Variants in USP6 observed in about 807,000 individuals in gnomAD.
The protein encoded by USP6 is ubiquitin carboxyl-terminal hydrolase 6.
In USP6, 128 loss-of-function variants were observed where a neutral mutation model predicts 175.7. The ratio of observed to expected loss-of-function variants is 0.73; its 90% CI spans 0.63 to 0.84. The LOEUF (loss-of-function observed/expected upper bound fraction) is 0.84. USP6 is among the 40% of genes least tolerant of loss of function. The probability of loss-of-function intolerance (pLI) is 0.00; values close to 1 mark genes in which losing one functional copy is unlikely to be tolerated. For missense variants in USP6, 1,498 were observed against 1,760.3 expected (o/e 0.85, Z 2.67); for synonymous variants, 562 against 630.6 (o/e 0.89, Z 1.63).
intron 31 of USP6, among the ~76,000 whole-genome samples, chr17:5,161,270 G>A (rs1446805803): frequency 1.3e-5 from 2 of 152,120 alleles, no homozygotes; most frequent in Non-Finnish European, 2.9e-5. Context: ...TAAAATTTTC[G>A]TGGGCCACAT....
At chr17:5,146,520 A>G (rs1342732986) in intron 28 of USP6, among the ~76,000 whole-genome samples, 2 of 152,168 alleles carry the variant, frequency 1.3e-5, no homozygotes, top group East Asian at 3.8e-4. Flanking sequence ...CTATATTACC[A>G]CTGTTACTAG....
intron 2 of USP6, among the ~76,000 whole-genome samples, chr17:5,120,229 C>T (rs1307857686): frequency 3.3e-5 from 5 of 152,166 alleles, no homozygotes; most frequent in African/African-American, 7.2e-5. Context: ...GTGACACCAA[C>T]GTAGGGTTGC....
intron 31 of USP6, among the ~76,000 whole-genome samples, chr17:5,160,356 T>C (rs2073980770): frequency 6.6e-6 from 1 of 152,220 alleles, no homozygotes; most frequent in African/African-American, 2.4e-5. Context: ...ATGCCACTCT[T>C]ATGTTATATT....
At position 5,146,112 on chromosome 17, in the gene USP6, G is replaced by A. The variant is rs571851688; in HGVS notation, c.2257G>A (p.Asp753Asn). 1 of 1,613,130 alleles carries A rather than the reference G, an allele frequency of 6.2e-7. No homozygotes were observed. The highest frequency in any genetic ancestry group is 8.5e-7 in the Non-Finnish European group (1 of 1,179,384). The change falls in exon 28 of 38, where the codon GAT becomes AAT. Residue 753 changes from aspartate to asparagine, a missense_variant. Around this residue, in one of 2 missense-constraint regions of USP6, gnomAD observed 1,217 missense variants for 1,500.8 expected, o/e 0.81. Transcript: ENST00000574788. ...KYTGLKKQLR[D>N]LCGLNSEQIL... is the part of the protein sequence containing the mutation. ...CACAGGTTTAAAAAAACAGCTGAGGGATCTCTGTGGACTTAATTCAGAACA... is the reference window on the plus strand; with the variant it reads ...CACAGGTTTAAAAAAACAGCTGAGGAATCTCTGTGGACTTAATTCAGAACA...
chr17:5,142,429 C>G lies in USP6; in HGVS notation c.1745C>G (p.Ala582Gly), dbSNP rs1182489495. 6.2e-7 allele frequency: 1 copy of G among 1,613,760 alleles called. No individual in the cohort carries two copies. The highest frequency in any genetic ancestry group is 1.3e-5 in the African/African-American group (1 of 74,898). The change falls in exon 25 of 38, where the codon GCT (alanine) becomes GGT (glycine). Residue 582 changes from alanine to glycine, a missense_variant. Around this residue, in one of 2 missense-constraint regions of USP6, gnomAD observed 1,217 missense variants for 1,500.8 expected, o/e 0.81. Coordinates refer to ENST00000574788, the MANE Select transcript of USP6 (RefSeq NM_001304284.2). ...TNPIGMKGHM[A>G]KCYGDLVQEL... ...CCCATTGGTATGAAGGGGCATATGG[C>G]TAAATGCTATGGTGATTTAGTGCAG... is the stretch of plus-strand genomic sequence containing the variant.
chr17:5,173,846 G>A lies in USP6; in HGVS notation c.*868G>A. On this transcript the variant is annotated 3_prime_UTR_variant, in exon 38 of 38. Coordinates refer to ENST00000574788, the MANE Select transcript of USP6 (RefSeq NM_001304284.2). ...TCTTCACATGCACATGTTGCAACAA[G>A]AGCTTCTGGGAAGGTAAGCGGCATC... The A allele has an allele frequency of 4.5e-6, 1 of 223,300 alleles. No individual in the cohort carries two copies. The highest frequency in any genetic ancestry group is 2.2e-5 in the African/African-American group (1 of 44,950). The allele number at this position is 223,300 out of a possible 1,614,324, so 13.8% of individuals were successfully genotyped here. A position where few individuals can be genotyped will look rare whatever the true frequency, so the allele number is the denominator to read the frequency against.
intron 4 of USP6, chr17:5,123,246 G>T (rs1458643304): frequency 6.5e-6 from 1 of 153,240 alleles, no homozygotes; most frequent in Non-Finnish European, 1.5e-5. Flanking sequence ...TGGGGCACAC[G>T]TCGGTGGCCA....
intron 33 of USP6, among the ~76,000 whole-genome samples, chr17:5,164,785 G>C (rs534271517): frequency 6.6e-6 from 1 of 152,354 alleles, no homozygotes; most frequent in Admixed American, 6.5e-5. Flanking sequence ...AAGAGATACT[G>C]TGGTTTAAAT....
At chr17:5,169,673 C>T (rs2074171933) in intron 35 of USP6, among the ~76,000 whole-genome samples, 1 of 152,158 alleles carries the variant, frequency 6.6e-6, no homozygotes, top group African/African-American at 2.4e-5. Flanking sequence ...AACTCCTGCA[C>T]CCAAGTGAAC....
intron 37 of USP6, among the ~76,000 whole-genome samples, chr17:5,172,398 GCACA>G (rs2074244862): frequency 6.6e-6 from 1 of 151,842 alleles, no homozygotes; most frequent in South Asian, 2.1e-4. Context: ...AGATGTGGTG[GCACA>G]TGCCTGTAGT....
intron 14 of USP6, 100 bp downstream of exon 14, chr17:5,133,650 G>GGGGGGGGGGT: frequency 1.8e-6 from 1 of 556,558 alleles, no homozygotes; most frequent in Non-Finnish European, 3.5e-6. Flanking sequence ...GGGGGGGTGG[G>GGGGGGGGGGT]AGGGGATGGT....
chr17:5,171,616 T>C lies in USP6; in HGVS notation c.3984T>C (p.His1328=). 2 of 1,613,806 alleles carry C rather than the reference T, an allele frequency of 1.2e-6. No homozygotes were observed. Among genetic ancestry groups the C allele is most frequent in the Non-Finnish European group, 1.7e-6 (2 of 1,179,782 alleles). The change falls in exon 37 of 38, where the codon CAT becomes CAC. Residue 1328 remains histidine (H), a synonymous_variant. Coordinates refer to ENST00000574788, the MANE Select transcript of USP6 (RefSeq NM_001304284.2). ...SCHSGILSGG[H]YITYAKNPNC... ...ATTCAGGAATTCTGAGTGGGGGCCA[T>C]TACATCACTTATGCCAAAAACCCAA...
chr17:5,172,566 T>G (rs1440045908), intron 37 of USP6, among the ~76,000 whole-genome samples: 3 of 152,072 alleles, frequency 2.0e-5, no homozygotes, highest in Admixed American at 6.6e-5. Flanking sequence ...TAATTAGAAT[T>G]TGATGGGGTT....
rs1022451759 is a variant in USP6, at chr17:5,168,053, A to G, written c.3158A>G (p.Tyr1053Cys). Residue 1053 changes from tyrosine to cysteine, a missense_variant, in exon 34 of 38, where the codon TAC becomes TGC. Tyr to Cys is a radical substitution (Grantham distance 194). This residue lies in a region of USP6 where 1,217 missense variants were observed against 1,500.8 expected (regional missense o/e 0.81). Coordinates refer to ENST00000574788, the MANE Select transcript of USP6 (RefSeq NM_001304284.2). ...GAGCTAGGGGAAAGTGAGATGTACT[A>G]CTGTTCCAAGTGTAAGACCCACTGC... Reference protein sequence around the residue: ...EEELGESEMYYCSKCKTHCLA... With the variant: ...EEELGESEMYCCSKCKTHCLA... 7.4e-6 allele frequency: 12 copies of G among 1,611,870 alleles called. No homozygotes were observed. Among genetic ancestry groups the G allele is most frequent in the East Asian group, 4.5e-5 (2 of 44,900 alleles).
chr17:5,169,067 G>A lies in USP6; in HGVS notation c.3517+12G>A, dbSNP rs2144171132. 2 of 1,579,176 alleles carry A rather than the reference G, an allele frequency of 1.3e-6. No homozygotes were observed. The highest frequency in any genetic ancestry group is 1.7e-6 in the Non-Finnish European group (2 of 1,164,930). On this transcript the variant is annotated intron_variant, in intron 35 of 37. Coordinates refer to ENST00000574788, the MANE Select transcript of USP6 (RefSeq NM_001304284.2). ...CAGCAGCCCAAAAGGTGAGGCCTGG[G>A]GGCCTTATGCAGTTGCTTTCTTGGG... is the stretch of plus-strand genomic sequence containing the variant.
chr17:5,155,485 T>C lies in USP6; in HGVS notation c.2707T>C (p.Leu903=), dbSNP rs371461434. ...ENRPSLFGMP[L]IVPCTVHTRK... ...TCGCCCCAGCCTCTTTGGAATGCCA[T>C]TGATTGTTCCATGCACTGTGCATAC... The change falls in exon 31 of 38, where the codon TTG becomes CTG. Residue 903 remains leucine, a synonymous_variant. Coordinates refer to ENST00000574788, the MANE Select transcript of USP6 (RefSeq NM_001304284.2). 2.5e-6 allele frequency: 4 copies of C among 1,614,104 alleles called. No individual in the cohort carries two copies. In the Admixed American group the frequency reaches 5.0e-5, roughly 20 times the overall value.
At chr17:5,126,575 C>A (rs2072901055) in intron 6 of USP6, among the ~76,000 whole-genome samples, 1 of 152,142 alleles carries the variant, frequency 6.6e-6, no homozygotes, top group Non-Finnish European at 1.5e-5. Flanking sequence ...TGTCTCTTTG[C>A]GTTTTGTGTC....
At position 5,170,557 on chromosome 17, in the gene USP6, C is replaced by T. The variant is rs144688577; in HGVS notation, c.3596C>T (p.Thr1199Ile). 2,625 of 1,612,066 alleles carry T rather than the reference C, an allele frequency of 1.6e-3. 10 individuals are homozygous for T. Among genetic ancestry groups the T allele is most frequent in the Middle Eastern group, 0.015 (67 of 4,560 alleles). ...KNSSPNSSPR[T>I]LGRSKGRLRL... The stretch of plus-strand genomic sequence containing the variant: ...AGCAGCCCTAATAGCAGCCCACGGA[C>T]TTTGGGGAGGAGCAAAGGGAGGCTC... The change falls in exon 36 of 38, where the codon ACT (threonine) becomes ATT (isoleucine). Residue 1199 changes from threonine (T) to isoleucine (I), a missense_variant. Physicochemically the swap from Thr to Ile is moderately conservative, Grantham distance 89 (BLOSUM62 -1). Around this residue, in one of 2 missense-constraint regions of USP6, gnomAD observed 1,217 missense variants for 1,500.8 expected, o/e 0.81. Transcript: ENST00000574788.
chr17:5,155,053 GAGAA>G (rs2073851751), intron 30 of USP6, among the ~76,000 whole-genome samples: 3 of 152,130 alleles, frequency 2.0e-5, no homozygotes, highest in South Asian at 2.1e-4. Context: ...ATATTTTCTG[GAGAA>G]AGAAAGAGTC....
Sources: allele counts gnomAD v4.1 joint callset (sites outside exome capture counted in the v4.1 genomes callset), GRCh38; gene constraint gnomAD v4.1.1; regional missense constraint gnomAD v4.1.1; transcripts MANE v1.5; gene names NCBI Gene and HGNC (gene_info 2026-07-23, HGNC 2026-07-21).